Variants in LINGO2 observed in about 807,000 individuals in gnomAD.
The protein encoded by LINGO2 is leucine-rich repeat and immunoglobulin-like domain-containing nogo receptor-interacting protein 2.
Under a neutral mutation model 30.6 loss-of-function variants are expected in LINGO2, and 14 were observed. That is an observed-to-expected ratio of 0.46 (90% CI 0.30 to 0.72). The LOEUF is 0.72. Ranked by LOEUF, LINGO2 falls within the 30% of genes least tolerant of loss-of-function variation. LINGO2 has a pLI of 0.07. For missense variants in LINGO2, 729 were observed against 751.7 expected (o/e 0.97, Z 0.35); for synonymous variants, 317 against 288.5 (o/e 1.10, Z -1.00).
intron 2 of LINGO2, among the ~76,000 whole-genome samples, chr9:28,455,865 G>T (rs943967373): frequency 3.9e-5 from 6 of 152,092 alleles, no homozygotes; most frequent in Admixed American, 2.0e-4. Context: ...CTACACCATG[G>T]CATTTTTCTT....
chr9:27,992,180 T>G (rs916955741), intron 5 of LINGO2, among the ~76,000 whole-genome samples: 3 of 149,208 alleles, frequency 2.0e-5, no homozygotes, highest in African/African-American at 7.6e-5. Flanking sequence ...CCTCCAGTCC[T>G]TTGCCCTAAC....
At chr9:28,832,205 T>A in the LINGO2 span, among the ~76,000 whole-genome samples, 1 of 152,176 alleles carries the variant, frequency 6.6e-6, no homozygotes, top group African/African-American at 2.4e-5. Context: ...GTTGGCAAGA[T>A]GTTAAAAGGA....
intron 4 of LINGO2, among the ~76,000 whole-genome samples, chr9:28,292,173 C>G (rs1823753861): frequency 6.6e-6 from 1 of 152,174 alleles, no homozygotes; most frequent in Admixed American, 6.5e-5. Context: ...ATCAAAGGGA[C>G]AGCAGAGTGT....
At chr9:29,046,988 A>T in the LINGO2 span, among the ~76,000 whole-genome samples, 1 of 150,218 alleles carries the variant, frequency 6.7e-6, no homozygotes, top group Non-Finnish European at 1.5e-5. Flanking sequence ...CTGCGGCAGG[A>T]GAATCACTTG....
At chr9:28,480,357 A>G (rs1324076796) in intron 1 of LINGO2, among the ~76,000 whole-genome samples, 1 of 152,038 alleles carries the variant, frequency 6.6e-6, no homozygotes, top group Non-Finnish European at 1.5e-5. Flanking sequence ...AATATAAAGC[A>G]TCTTAATTCT....
At chr9:28,250,515 C>A (rs558135856) in intron 4 of LINGO2, among the ~76,000 whole-genome samples, 1 of 152,166 alleles carries the variant, frequency 6.6e-6, no homozygotes, top group Non-Finnish European at 1.5e-5. Context: ...GTGAAAGGAC[C>A]AGGAAAGGGG....
At chr9:28,327,817 A>G (rs1013752702) in intron 3 of LINGO2, among the ~76,000 whole-genome samples, 6 of 152,198 alleles carry the variant, frequency 3.9e-5, no homozygotes, top group African/African-American at 1.4e-4. Flanking sequence ...CAATAAAAAA[A>G]GTCATGTGAT....
chr9:28,026,340 ATGAG>A (rs914052318), intron 4 of LINGO2, among the ~76,000 whole-genome samples: 18 of 152,296 alleles, frequency 1.2e-4, no homozygotes, highest in African/African-American at 3.1e-4. Context: ...TAGATATTAA[ATGAG>A]TGAGTAAGTT....
chr9:28,908,565 A>G, the LINGO2 span, among the ~76,000 whole-genome samples: 1 of 151,950 alleles, frequency 6.6e-6, no homozygotes, highest in Non-Finnish European at 1.5e-5. Context: ...TATTATTTTA[A>G]AAAGTTAGAC....
chr9:28,880,212 AAAAG>A, the LINGO2 span, among the ~76,000 whole-genome samples: 1 of 152,124 alleles, frequency 6.6e-6, no homozygotes, highest in African/African-American at 2.4e-5. Context: ...AGGTGTAGGG[AAAAG>A]AAAGAGAGAT....
the LINGO2 span, among the ~76,000 whole-genome samples, chr9:28,725,274 T>G: frequency 6.6e-6 from 1 of 151,814 alleles, no homozygotes; most frequent in Non-Finnish European, 1.5e-5. Context: ...TTATTAGAGT[T>G]AATAAGAAAA....
the LINGO2 span, among the ~76,000 whole-genome samples, chr9:28,692,789 T>A: frequency 6.6e-6 from 1 of 152,106 alleles, no homozygotes; most frequent in Non-Finnish European, 1.5e-5. Context: ...TCCATCTTAG[T>A]CACAAGTGAT....
chr9:28,077,987 C>G (rs1159063586), intron 4 of LINGO2, among the ~76,000 whole-genome samples: 1 of 149,050 alleles, frequency 6.7e-6, no homozygotes, highest in African/African-American at 2.6e-5. Context: ...AATCTGTCTG[C>G]CATATGTGTT....
chr9:28,320,843 A>T (rs1469876764), intron 3 of LINGO2, among the ~76,000 whole-genome samples: 1 of 152,142 alleles, frequency 6.6e-6, no homozygotes, highest in African/African-American at 2.4e-5. Flanking sequence ...TGACGTTAAG[A>T]AGCCCTGTTT....
intron 2 of LINGO2, among the ~76,000 whole-genome samples, chr9:28,461,943 T>C (rs1440739201): frequency 6.6e-6 from 1 of 152,154 alleles, no homozygotes; most frequent in South Asian, 2.1e-4. Context: ...TGAGGGAACA[T>C]AGGCTGAAAG....
At chr9:28,939,958 G>A in the LINGO2 span, among the ~76,000 whole-genome samples, 3 of 152,088 alleles carry the variant, frequency 2.0e-5, no homozygotes, top group Non-Finnish European at 4.4e-5. Flanking sequence ...GTCTGTGGCT[G>A]TTTAATTTGT....
chr9:28,144,007 A>G (rs1260432218), intron 4 of LINGO2, among the ~76,000 whole-genome samples: 1 of 152,152 alleles, frequency 6.6e-6, no homozygotes, highest in Non-Finnish European at 1.5e-5. Context: ...TCCTTTTTGG[A>G]ATAAGGTTAA....
intron 4 of LINGO2, among the ~76,000 whole-genome samples, chr9:28,251,456 CTG>C (rs888637334): frequency 2.0e-4 from 31 of 152,248 alleles, no homozygotes; most frequent in African/African-American, 7.5e-4. Flanking sequence ...TTAAGATAAA[CTG>C]TGTGACAAAT....
At chr9:28,695,379 T>C in the LINGO2 span, among the ~76,000 whole-genome samples, 1 of 151,968 alleles carries the variant, frequency 6.6e-6, no homozygotes, top group East Asian at 1.9e-4. Context: ...TAGGTACTCA[T>C]ATGCATTCTT....
Sources: allele counts gnomAD v4.1 joint callset (sites outside exome capture counted in the v4.1 genomes callset), GRCh38; gene constraint gnomAD v4.1.1; transcripts MANE v1.5; gene names NCBI Gene and HGNC (gene_info 2026-07-23, HGNC 2026-07-21).